EPS15: variants seen among roughly 807,000 people sequenced by gnomAD.
EPS15 encodes epidermal growth factor receptor pathway substrate 15.
A neutral mutation model predicts 113.8 loss-of-function variants in EPS15; 72 were observed. The observed-to-expected ratio is 0.63, with a 90% CI of 0.52 to 0.77. The LOEUF is 0.77. Ranked by LOEUF, EPS15 falls within the 30% of genes least tolerant of loss-of-function variation. The probability of loss-of-function intolerance (pLI) is 0.00; values close to 1 mark genes in which losing one functional copy is unlikely to be tolerated. For synonymous variants in EPS15, 344 were observed against 363.4 expected (o/e 0.95, Z 0.61); for missense variants, 1,048 against 1,045.8 (o/e 1.00, Z -0.03).
chr1:51,413,556 A>G (rs1649940158), intron 13 of EPS15, among the ~76,000 whole-genome samples: 1 of 152,216 alleles, frequency 6.6e-6, no homozygotes, highest in Non-Finnish European at 1.5e-5. Flanking sequence ...ACACTTCACT[A>G]TGTATTTAAA....
At position 51,431,635 on chromosome 1, in the gene EPS15, G is replaced by A. The variant is rs539874958; in HGVS notation, c.1040+8712C>T. ...TAATTTTTGTATTTTTACTAGAGAC[G>A]GGGTTTCACCTTATTGGCCAGGCTG... On this transcript the variant is annotated intron_variant, in intron 12 of 24. Transcript: ENST00000371733. 1.1e-4 allele frequency among the ~76,000 whole-genome samples: 16 copies of A among 152,048 alleles called. 1 individual carries two copies. In the South Asian group the frequency reaches 3.3e-3, roughly 32 times the overall value.
intron 2 of EPS15, among the ~76,000 whole-genome samples, chr1:51,480,783 A>G (rs566581895): frequency 1.1e-4 from 17 of 152,272 alleles, no homozygotes; most frequent in African/African-American, 4.1e-4. Context: ...AAGGGCTGGG[A>G]TTACAGGTGT....
At chr1:51,518,917 C>T (rs907300387) in intron 1 of EPS15, among the ~76,000 whole-genome samples, 1 of 151,482 alleles carries the variant, frequency 6.6e-6, no homozygotes, top group Non-Finnish European at 1.5e-5. Context: ...GGCCGGGTCA[C>T]AGTCCACTCG....
chr1:51,388,291 T>A (rs1333926135), intron 21 of EPS15, among the ~76,000 whole-genome samples: 1 of 152,106 alleles, frequency 6.6e-6, no homozygotes, highest in Non-Finnish European at 1.5e-5. Context: ...AGACACAACA[T>A]ACCAGAATCT....
intron 3 of EPS15, among the ~76,000 whole-genome samples, chr1:51,472,073 ATTC>A (rs1025718248): frequency 1.1e-4 from 17 of 151,848 alleles, no homozygotes; most frequent in South Asian, 2.1e-4. Context: ...GCCCAAGACA[ATTC>A]TTCTTCTTTC....
At chr1:51,484,298 G>T (rs956731485) in intron 1 of EPS15, among the ~76,000 whole-genome samples, 1 of 151,890 alleles carries the variant, frequency 6.6e-6, no homozygotes, top group African/African-American at 2.4e-5. Flanking sequence ...GTAGTCGCTC[G>T]CGCCTGTAAT....
At chr1:51,491,320 C>CCA (rs1202297581) in intron 1 of EPS15, among the ~76,000 whole-genome samples, 1 of 152,146 alleles carries the variant, frequency 6.6e-6, no homozygotes, top group Non-Finnish European at 1.5e-5. Context: ...GGACTAGCCA[C>CCA]CACAGCCTTT....
At chr1:51,376,159 T>C (rs908193910) in intron 21 of EPS15, among the ~76,000 whole-genome samples, 6 of 152,248 alleles carry the variant, frequency 3.9e-5, no homozygotes, top group African/African-American at 1.2e-4. Context: ...GAGTCTCCTA[T>C]GGGGCTAATG....
At chr1:51,379,064 T>C (rs572159583) in intron 21 of EPS15, among the ~76,000 whole-genome samples, 16 of 152,192 alleles carry the variant, frequency 1.1e-4, no homozygotes, top group South Asian at 2.1e-4. Context: ...GAAACAAAGA[T>C]AGCACTGTGA....
intron 21 of EPS15, among the ~76,000 whole-genome samples, chr1:51,392,625 C>T (rs944593330): frequency 2.0e-5 from 3 of 152,124 alleles, no homozygotes; most frequent in Non-Finnish European, 4.4e-5. Context: ...TTGAATATGC[C>T]CTATATGTTC....
rs975270847 is a variant in EPS15, at chr1:51,356,749, T to C, written c.2642A>G (p.Asp881Gly). The C allele has an allele frequency of 2.5e-6, 4 of 1,614,048 alleles. No individual in the cohort carries two copies. Among genetic ancestry groups the C allele is most frequent in the Non-Finnish European group, 3.4e-6 (4 of 1,179,910 alleles). ...LARLNQQEQE[D>G]LELAIALSKS... ...GCTGAGTGCAATAGCCAGTTCTAAG[T>C]CTTCTTGTTCCTGCTGATTTAGTCG... The change falls in exon 25 of 25, where the codon GAC (aspartate) becomes GGC (glycine). Residue 881 changes from aspartate to glycine, a missense_variant. Transcript: ENST00000371733.
At chr1:51,504,933 C>T (rs1042402684) in intron 1 of EPS15, among the ~76,000 whole-genome samples, 2 of 152,088 alleles carry the variant, frequency 1.3e-5, no homozygotes, top group Non-Finnish European at 2.9e-5. Context: ...CCAGCCCAGA[C>T]AACATGGTAA....
intron 14 of EPS15, among the ~76,000 whole-genome samples, chr1:51,409,225 TATG>T (rs2148430484): frequency 1.3e-5 from 2 of 152,192 alleles, no homozygotes; most frequent in Admixed American, 1.3e-4. Context: ...CCCAGCCAAT[TATG>T]ATGTTTTTTG....
At chr1:51,433,066 T>A (rs1490323530) in intron 12 of EPS15, among the ~76,000 whole-genome samples, 3 of 152,196 alleles carry the variant, frequency 2.0e-5, no homozygotes, top group Non-Finnish European at 4.4e-5. Flanking sequence ...ATAGAATTTT[T>A]AAAAATTTGA....
chr1:51,431,451 CTTTTT>C (rs764383254), intron 12 of EPS15, among the ~76,000 whole-genome samples: 1 of 144,712 alleles, frequency 6.9e-6, no homozygotes, highest in Admixed American at 6.9e-5. Context: ...AATTTCTTTT[CTTTTT>C]TTTTTTGGAG....
intron 1 of EPS15, among the ~76,000 whole-genome samples, chr1:51,512,972 G>A (rs1387064147): frequency 6.6e-6 from 1 of 151,344 alleles, no homozygotes; most frequent in Non-Finnish European, 1.5e-5. Flanking sequence ...AGGACTACGG[G>A]CACACACCAC....
intron 19 of EPS15, among the ~76,000 whole-genome samples, 185 bp downstream of exon 19, chr1:51,400,733 A>AAAAAAAAAAAAAAAAAAAAAAG (rs1553120052): frequency 6.8e-6 from 1 of 147,764 alleles, no homozygotes; most frequent in Non-Finnish European, 1.5e-5. Context: ...AAAAAAAAAA[A>AAAAAAAAAAAAAAAAAAAAAAG]AAGAAGAAGT....
At position 51,357,426 on chromosome 1, in the gene EPS15, A is replaced by ATTT. The variant is rs570842498; in HGVS notation, c.2545-583_2545-581dup. On this transcript the variant is annotated intron_variant, in intron 24 of 24. Coordinates refer to ENST00000371733, the MANE Select transcript of EPS15 (RefSeq NM_001981.3). ...TATATATATATATATATATATATAT[A>ATTT]TTTTTTTTTTTTAAATGTGATATAT... is the stretch of plus-strand genomic sequence containing the variant. Among the ~76,000 whole-genome samples the ATTT allele has an allele frequency of 6.4e-3, 343 of 53,474 alleles. 6 individuals carry two copies. Among genetic ancestry groups the ATTT allele is most frequent in the East Asian group, 0.027 (34 of 1,274 alleles). 35.1% of individuals were successfully genotyped at this position (53,474 alleles called of 152,430 possible). A position where few individuals can be genotyped will look rare whatever the true frequency, so the allele number is the denominator to read the frequency against.
intron 1 of EPS15, among the ~76,000 whole-genome samples, chr1:51,487,065 A>T (rs1221031109): frequency 6.6e-6 from 1 of 152,258 alleles, no homozygotes. Flanking sequence ...CATATAAAGT[A>T]TGTTAGCAAC....
Sources: gnomAD v4.1 joint callset for allele counts (sites outside exome capture counted in the v4.1 genomes callset) on GRCh38, gnomAD v4.1.1 for gene constraint, MANE v1.5 for transcripts, NCBI Gene and HGNC (gene_info 2026-07-23, HGNC 2026-07-21) for gene names.